EBF2: variants seen among roughly 807,000 people sequenced by gnomAD.
EBF2 encodes transcription factor COE2.
In EBF2, 21 loss-of-function variants were observed where a neutral mutation model predicts 72.8. That is an observed-to-expected ratio of 0.29 (90% CI 0.20 to 0.42). The LOEUF (loss-of-function observed/expected upper bound fraction) is 0.42, where lower values mean the gene tolerates loss of function less well. Among genes scored for constraint, EBF2 ranks in the 10% least tolerant of loss-of-function variants. The pLI, the probability that EBF2 is intolerant of heterozygous loss-of-function variation, is 1.00. For synonymous variants in EBF2, 299 were observed against 274.2 expected, an observed-to-expected ratio of 1.09 and a Z score of -0.89; for missense variants, 637 against 731.2, an observed-to-expected ratio of 0.87 and a Z score of 1.49.
At chr8:25,969,315 G>T (rs1804157954) in intron 6 of EBF2, among the ~76,000 whole-genome samples, 1 of 152,188 alleles carries the variant, frequency 6.6e-6, no homozygotes, top group Non-Finnish European at 1.5e-5. Context: ...CTAGGAATCA[G>T]GAATAAAGAA....
Position 25,943,521 on chromosome 8 carries a change from T to A in EBF2, c.552-34966A>T, listed in dbSNP as rs543762766. On this transcript the variant is annotated intron_variant, in intron 6 of 15. Transcript: ENST00000520164. ...CTAGACCCTGTCTCTCAAAAAAAAATTTTTTTAAATAAATGTTTAAAACCT... is the reference window on the plus strand; with the variant it reads ...CTAGACCCTGTCTCTCAAAAAAAAAATTTTTTAAATAAATGTTTAAAACCT... Among the ~76,000 whole-genome samples, 55 of 151,636 alleles carry A rather than the reference T, an allele frequency of 3.6e-4. No individual in the cohort carries two copies. In the Middle Eastern group the frequency reaches 0.01, roughly 28 times the overall value.
At chr8:25,854,097 C>T (rs1026122148) in intron 14 of EBF2, among the ~76,000 whole-genome samples, 1 of 152,054 alleles carries the variant, frequency 6.6e-6, no homozygotes, top group Non-Finnish European at 1.5e-5. Context: ...TGGAAAATCT[C>T]GATTTCTTTG....
chr8:25,951,171 G>A (rs1029545673), intron 6 of EBF2, among the ~76,000 whole-genome samples: 1 of 152,114 alleles, frequency 6.6e-6, no homozygotes, highest in African/African-American at 2.4e-5. Flanking sequence ...TTTCATTATA[G>A]AGAACACATG....
chr8:25,955,306 C>A (rs2030159744), intron 6 of EBF2, among the ~76,000 whole-genome samples: 1 of 152,138 alleles, frequency 6.6e-6, no homozygotes, highest in Non-Finnish European at 1.5e-5. Flanking sequence ...GGCCTAGAGG[C>A]AAGAAACCAG....
chr8:25,935,146 T>C (rs968447995), intron 6 of EBF2, among the ~76,000 whole-genome samples: 1 of 152,082 alleles, frequency 6.6e-6, no homozygotes, highest in Non-Finnish European at 1.5e-5. Flanking sequence ...CATCCTTCAT[T>C]CTTCCTAACA....
At chr8:26,025,050 C>A (rs1445817492) in intron 6 of EBF2, among the ~76,000 whole-genome samples, 1 of 152,044 alleles carries the variant, frequency 6.6e-6, no homozygotes, top group Non-Finnish European at 1.5e-5. Context: ...GAACTAATAT[C>A]TTTGAGGAAG....
chr8:25,991,749 G>T (rs1456064973), intron 6 of EBF2, among the ~76,000 whole-genome samples: 1 of 152,060 alleles, frequency 6.6e-6, no homozygotes, highest in Non-Finnish European at 1.5e-5. Flanking sequence ...GGGAGGCTGA[G>T]GAAGGAGAAT....
chr8:25,844,631 C>T lies in EBF2; in HGVS notation c.1706G>A (p.Gly569Glu), dbSNP rs372867318. 12 of 1,613,836 alleles carry T rather than the reference C, an allele frequency of 7.4e-6. No homozygotes were observed. Among genetic ancestry groups the T allele is most frequent in the Middle Eastern group, 1.6e-4 (1 of 6,078 alleles). The change falls in exon 16 of 16, where the codon GGA (glycine) becomes GAA (glutamate). Residue 569 changes from glycine to glutamate, a missense_variant. By Grantham distance (98) the Gly-to-Glu change is moderately conservative. Transcript: ENST00000520164. ...GNGNGFRAMT[G>E]LVVPPM ...TCTTTACATCGGGGGTACAACAAGT[C>T]CGGTCATGGCTGCAAGGAAAGAGTG... is the stretch of plus-strand genomic sequence containing the variant.
At chr8:25,921,906 T>A (rs907787765) in intron 6 of EBF2, among the ~76,000 whole-genome samples, 10 of 152,218 alleles carry the variant, frequency 6.6e-5, no homozygotes, top group Admixed American at 3.3e-4. Flanking sequence ...GGGCACTGCT[T>A]CTGTGCACCT....
At chr8:25,968,494 C>T (rs1368862743) in intron 6 of EBF2, among the ~76,000 whole-genome samples, 2 of 152,124 alleles carry the variant, frequency 1.3e-5, no homozygotes, top group African/African-American at 2.4e-5. Flanking sequence ...TTCATAGACA[C>T]AGAAAGCAGA....
intron 6 of EBF2, among the ~76,000 whole-genome samples, chr8:26,012,294 A>G (rs772746399): frequency 3.3e-5 from 5 of 152,202 alleles, no homozygotes; most frequent in Admixed American, 2.6e-4. Flanking sequence ...ATTAAGGTTC[A>G]TATCATACTA....
chr8:25,977,114 G>A (rs1239210697), intron 6 of EBF2, among the ~76,000 whole-genome samples: 1 of 152,160 alleles, frequency 6.6e-6, no homozygotes, highest in East Asian at 1.9e-4. Flanking sequence ...TACAGCAGAG[G>A]CATTTCCAAA....
At chr8:25,888,389 T>C (rs1304285695) in intron 8 of EBF2, among the ~76,000 whole-genome samples, 3 of 152,208 alleles carry the variant, frequency 2.0e-5, no homozygotes, top group African/African-American at 7.2e-5. Context: ...TAAAGCCTAA[T>C]GAGTTGACCA....
intron 6 of EBF2, among the ~76,000 whole-genome samples, chr8:25,961,503 C>T (rs999405650): frequency 2.0e-5 from 3 of 152,136 alleles, no homozygotes; most frequent in Non-Finnish European, 4.4e-5. Context: ...GGTGGGACTA[C>T]AGGCACCCGC....
intron 6 of EBF2, among the ~76,000 whole-genome samples, chr8:25,978,023 C>A (rs1238190455): frequency 6.6e-6 from 1 of 152,132 alleles, no homozygotes; most frequent in Non-Finnish European, 1.5e-5. Context: ...GGAGATAGCA[C>A]CACAAACCCC....
intron 6 of EBF2, among the ~76,000 whole-genome samples, chr8:25,997,937 A>C (rs1804663927): frequency 6.6e-6 from 1 of 152,228 alleles, no homozygotes; most frequent in Non-Finnish European, 1.5e-5. Flanking sequence ...CATAAATAAA[A>C]ATATACATCA....
In EBF2 at chr8:25,842,196, G is replaced by A. The variant is rs935083645; in HGVS notation, c.*2413C>T. 3 of 152,186 alleles carry A rather than the reference G, an allele frequency of 2.0e-5. No individual in the cohort carries two copies. The East Asian group carries it at 5.8e-4, about 29-fold the overall frequency. The allele number at this position is 152,186 out of a possible 1,614,324, so 9.4% of individuals were successfully genotyped here. ...AACTTGGGACTGGAATGATTGAATA[G>A]CAATGACTAACGAGGACAGGGTAGC... On this transcript the variant is annotated 3_prime_UTR_variant, in exon 16 of 16. Transcript: ENST00000520164.
chr8:25,932,259 A>C (rs1047407514), intron 6 of EBF2, among the ~76,000 whole-genome samples: 2 of 152,112 alleles, frequency 1.3e-5, no homozygotes, highest in African/African-American at 4.8e-5. Flanking sequence ...AGTGATCATT[A>C]GGACCCCTCC....
chr8:25,990,673 ACT>A (rs2117209151), intron 6 of EBF2, among the ~76,000 whole-genome samples: 1 of 152,080 alleles, frequency 6.6e-6, no homozygotes, highest in East Asian at 1.9e-4. Context: ...CAACTTAACA[ACT>A]CTGAGTTTAC....
Sources: gnomAD v4.1 joint callset for allele counts (sites outside exome capture counted in the v4.1 genomes callset) on GRCh38, gnomAD v4.1.1 for gene constraint, MANE v1.5 for transcripts, NCBI Gene and HGNC (gene_info 2026-07-23, HGNC 2026-07-21) for gene names.